ACSM2A: variants seen among roughly 807,000 people sequenced by gnomAD.
ACSM2A encodes acyl-CoA synthetase medium chain family member 2A, also known as acyl-coenzyme A synthetase ACSM2A, mitochondrial.
Under a neutral mutation model 76.6 loss-of-function variants are expected in ACSM2A, and 72 were observed. The observed-to-expected ratio is 0.94, with a 90% CI of 0.78 to 1.14. ACSM2A has a LOEUF of 1.14. Among genes scored for constraint, ACSM2A ranks in the 50% most tolerant of loss-of-function variants. The pLI, the probability that ACSM2A is intolerant of heterozygous loss-of-function variation, is 0.00. For synonymous variants in ACSM2A, 249 were observed against 255.9 expected (o/e 0.97, Z 0.26); for missense variants, 684 against 708.5 (o/e 0.97, Z 0.39).
intron 6 of ACSM2A, among the ~76,000 whole-genome samples, chr16:20,472,521 A>G (rs1297329428): frequency 6.6e-6 from 1 of 152,266 alleles, no homozygotes; most frequent in Non-Finnish European, 1.5e-5. Context: ...GCTTTAATAT[A>G]GGGATTTAGG....
At chr16:20,478,543 T>A (rs1215636795) in intron 9 of ACSM2A, 33 bp from the exon 10 acceptor site, 1 of 1,608,260 alleles carries the variant, frequency 6.2e-7, no homozygotes, top group Non-Finnish European at 8.5e-7. Flanking sequence ...TCCTGCTGTG[T>A]GCATCATTCT....
chr16:20,481,892 G>T (rs1465362342), intron 12 of ACSM2A: 2 of 93,214 alleles, frequency 2.1e-5, no homozygotes, highest in East Asian at 4.8e-4. Context: ...AAAGTGCTTG[G>T]TTGGGAGGCC....
intron 12 of ACSM2A, chr16:20,481,271 TC>T: frequency 6.8e-6 from 2 of 295,990 alleles, no homozygotes; most frequent in Non-Finnish European, 1.3e-5. Flanking sequence ...ATGTCCACAC[TC>T]CCATGGTAAT....
intron 12 of ACSM2A, chr16:20,482,491 C>G (rs1338874777): frequency 1.3e-5 from 2 of 152,472 alleles, no homozygotes; most frequent in African/African-American, 2.4e-5. Flanking sequence ...TGTCCTAGCA[C>G]ATTCCCGCAG....
At chr16:20,472,086 CCTT>C (rs1408156620) in intron 6 of ACSM2A, among the ~76,000 whole-genome samples, 2 of 152,110 alleles carry the variant, frequency 1.3e-5, no homozygotes, top group African/African-American at 4.8e-5. Flanking sequence ...CATTTCATTT[CCTT>C]TTTTATTTGC....
chr16:20,480,509 C>A, intron 10 of ACSM2A, 64 bp from the exon 11 acceptor site: 1 of 1,551,234 alleles, frequency 6.4e-7, no homozygotes, highest in East Asian at 2.2e-5. Flanking sequence ...TTGTTCATGG[C>A]AGCCCCAGGG....
intron 2 of ACSM2A, among the ~76,000 whole-genome samples, chr16:20,462,074 C>T (rs2012656792): frequency 6.6e-6 from 1 of 152,152 alleles, no homozygotes; most frequent in African/African-American, 2.4e-5. Flanking sequence ...TAGGTAGTGT[C>T]AGTAACTTTT....
intron 1 of ACSM2A, among the ~76,000 whole-genome samples, chr16:20,459,215 G>C (rs982702180): frequency 2.0e-5 from 3 of 151,964 alleles, no homozygotes; most frequent in African/African-American, 7.2e-5. Flanking sequence ...TAAGTGTTAA[G>C]TGTATACTCC....
At chr16:20,466,803 A>G (rs1232053874) in intron 3 of ACSM2A, among the ~76,000 whole-genome samples, 7 of 152,218 alleles carry the variant, frequency 4.6e-5, no homozygotes, top group Admixed American at 3.9e-4. Context: ...AGGGTTTACC[A>G]TAATGATGTA....
chr16:20,486,709 C>A lies in ACSM2A; in HGVS notation c.*31C>A, dbSNP rs9926275. On this transcript the variant is annotated 3_prime_UTR_variant, in exon 14 of 14. Transcript: ENST00000573854. The stretch of plus-strand genomic sequence containing the variant: ...CTAAGAGACATTCATTTGGATTCCC[C>A]TCTTCTTTCTCTTTCTTTTCCCTTT... 1,821 of 1,610,312 alleles carry A rather than the reference C, an allele frequency of 1.1e-3. 5 individuals carry two copies. Among genetic ancestry groups the A allele is most frequent in the Non-Finnish European group, 1.5e-3 (1,720 of 1,176,796 alleles).
rs548812070 is a variant in ACSM2A at position 20,469,602 on chromosome 16, G to A, written c.479G>A (p.Gly160Glu). Residue 160 changes from glycine (G) to glutamate (E), a missense_variant, in exon 4 of 14, where the codon GGG becomes GAG. By Grantham distance (98) the Gly-to-Glu change is moderately conservative. Coordinates refer to ENST00000573854, the MANE Select transcript of ACSM2A (RefSeq NM_001308172.2). ...TCTAAGGCCAAGGCTATTGTTGCTG[G>A]GGATGAAGTCATCCAAGAAGTGGAC... ...QMSKAKAIVA[G>E]DEVIQEVDTV... The A allele has an allele frequency of 6.2e-6, 10 of 1,613,788 alleles. No individual in the cohort carries two copies. In the East Asian group the frequency reaches 2.2e-4, roughly 36 times the overall value.
Position 20,486,729 on chromosome 16 carries a change from C to T in ACSM2A, c.*51C>T, listed in dbSNP as rs748668678. ...TTCCCCTCTTCTTTCTCTTTCTTTT[C>T]CCTTTGGGCCCTTGGCCTTCCTATG... On this transcript the variant is annotated 3_prime_UTR_variant, in exon 14 of 14. Transcript: ENST00000573854. The T allele has an allele frequency of 2.5e-6, 4 of 1,597,510 alleles. No individual in the cohort carries two copies. The African/African-American group carries it at 4.0e-5, about 16-fold the overall frequency.
chr16:20,481,174 A>C lies in ACSM2A; in HGVS notation c.1509+253A>C, dbSNP rs547845899. The C allele has an allele frequency of 9.3e-3, 4,692 of 502,590 alleles. 167 individuals carry two copies. Among genetic ancestry groups the C allele is most frequent in the African/African-American group, 0.077 (3,992 of 51,960 alleles). 31.1% of individuals were successfully genotyped at this position (502,590 alleles called of 1,614,324 possible). A position where few individuals can be genotyped will look rare whatever the true frequency, so the allele number is the denominator to read the frequency against. On this transcript the variant is annotated intron_variant, in intron 12 of 13. Transcript: ENST00000573854. ...AAAGTACTTAAGTATGGTGATTTCT[A>C]AAAAAACTAAACAGAACTACCATAC...
intron 13 of ACSM2A, among the ~76,000 whole-genome samples, chr16:20,486,257 C>T (rs1296933523): frequency 6.6e-6 from 1 of 152,228 alleles, no homozygotes; most frequent in East Asian, 1.9e-4. Flanking sequence ...TGGCTAAAGC[C>T]AGATGATTGG....
chr16:20,460,389 G>A, intron 2 of ACSM2A, 98 bp downstream of exon 2: 1 of 1,486,116 alleles, frequency 6.7e-7, no homozygotes, highest in South Asian at 1.4e-5. Context: ...CTTATTACAT[G>A]TAAGGCACTG....
intron 13 of ACSM2A, 35 bp downstream of exon 13, chr16:20,483,212 G>C (rs780042157): frequency 2.7e-5 from 43 of 1,608,086 alleles, no homozygotes; most frequent in South Asian, 2.3e-4. Flanking sequence ...ACTCAAACTT[G>C]AGAAATAGAT....
intron 1 of ACSM2A, 33 bp downstream of exon 1, chr16:20,451,714 G>T (rs1359071328): frequency 6.6e-6 from 1 of 151,358 alleles, no homozygotes; most frequent in African/African-American, 2.4e-5. Flanking sequence ...GGCTGATGGG[G>T]TCATAATCCA....
intron 6 of ACSM2A, among the ~76,000 whole-genome samples, chr16:20,473,638 A>T (rs1182479113): frequency 6.6e-6 from 1 of 152,124 alleles, no homozygotes; most frequent in Admixed American, 6.6e-5. Flanking sequence ...ACTCATGATG[A>T]AACTTGTAAA....
At chr16:20,470,790 A>G in intron 4 of ACSM2A, 1 of 598,526 alleles carries the variant, frequency 1.7e-6, no homozygotes, top group Non-Finnish European at 3.1e-6. Context: ...ATAACTCTAT[A>G]AGACTTGATC....
Sources: gnomAD v4.1 joint callset for allele counts (sites outside exome capture counted in the v4.1 genomes callset) on GRCh38, gnomAD v4.1.1 for gene constraint, MANE v1.5 for transcripts, NCBI Gene and HGNC (gene_info 2026-07-23, HGNC 2026-07-21) for gene names.